The following MARCHF1 variants were observed in gnomAD, a reference collection of about 807,000 sequenced individuals.
MARCHF1 encodes the protein E3 ubiquitin-protein ligase MARCHF1.
Under a neutral mutation model 54.2 loss-of-function variants are expected in MARCHF1, and 40 were observed. That is an observed-to-expected ratio of 0.74 (90% CI 0.57 to 0.96). The LOEUF (loss-of-function observed/expected upper bound fraction) is 0.96. Ranked by LOEUF, MARCHF1 falls within the 40% of genes least tolerant of loss-of-function variation. The pLI is 0.00. For synonymous variants in MARCHF1, 236 were observed against 236.3 expected, an observed-to-expected ratio of 1.00 and a Z score of 0.01; for missense variants, 586 against 656.5, an observed-to-expected ratio of 0.89 and a Z score of 1.17.
chr4:164,278,619 C>A (rs1733945395), intron 1 of MARCHF1, among the ~76,000 whole-genome samples: 1 of 152,066 alleles, frequency 6.6e-6, no homozygotes, highest in South Asian at 2.1e-4. Flanking sequence ...TGTAAAGATC[C>A]AACAGCAACT....
At chr4:164,122,813 A>G (rs1320438637) in intron 1 of MARCHF1, among the ~76,000 whole-genome samples, 2 of 152,208 alleles carry the variant, frequency 1.3e-5, no homozygotes, top group East Asian at 3.9e-4. Context: ...CAACAGACCT[A>G]CAGCAAGTAT....
chr4:164,202,663 A>T (rs1042589987), intron 1 of MARCHF1, among the ~76,000 whole-genome samples: 2 of 152,228 alleles, frequency 1.3e-5, no homozygotes, highest in Non-Finnish European at 2.9e-5. Context: ...TGATTTGATT[A>T]AAGTCCATGA....
At chr4:163,621,254 A>G (rs1741687480) in intron 5 of MARCHF1, among the ~76,000 whole-genome samples, 1 of 152,222 alleles carries the variant, frequency 6.6e-6, no homozygotes, top group African/African-American at 2.4e-5. Context: ...GAAGGAAGAC[A>G]CATAACAGTC....
chr4:163,743,448 G>A (rs1048679135), intron 4 of MARCHF1, among the ~76,000 whole-genome samples: 1 of 152,074 alleles, frequency 6.6e-6, no homozygotes, highest in Non-Finnish European at 1.5e-5. Flanking sequence ...AACGTTGAGC[G>A]TTTTACCACC....
chr4:163,526,706 A>G lies in MARCHF1; in HGVS notation c.*2042T>C, dbSNP rs1341501235. 2.6e-5 allele frequency: 4 copies of G among 152,040 alleles called. No individual in the cohort carries two copies. The highest frequency in any genetic ancestry group is 7.2e-5 in the African/African-American group (3 of 41,436). 9.4% of individuals were successfully genotyped at this position (152,040 alleles called of 1,614,324 possible). On this transcript the variant is annotated 3_prime_UTR_variant, in exon 10 of 10. Transcript: ENST00000514618. ...CTTATTTATACAGAATTTTTGGTTC[A>G]GTTTAGTTACCTCAACTTTGCTTTC...
At chr4:163,934,017 G>A (rs1426466435) in intron 3 of MARCHF1, among the ~76,000 whole-genome samples, 1 of 152,146 alleles carries the variant, frequency 6.6e-6, no homozygotes, top group Non-Finnish European at 1.5e-5. Flanking sequence ...TAAAGTATAT[G>A]TCATTTCTTA....
At chr4:163,775,770 G>A (rs913439362) in intron 4 of MARCHF1, among the ~76,000 whole-genome samples, 1 of 152,110 alleles carries the variant, frequency 6.6e-6, no homozygotes, top group African/African-American at 2.4e-5. Flanking sequence ...ATTGATCTGA[G>A]TTGAGTGGAT....
chr4:163,546,099 G>A (rs941434013), intron 8 of MARCHF1, among the ~76,000 whole-genome samples: 2 of 151,954 alleles, frequency 1.3e-5, no homozygotes, highest in Non-Finnish European at 2.9e-5. Context: ...TCAGCCCCCA[G>A]AGTAGCTGGG....
chr4:164,196,856 C>T (rs1731275720), intron 1 of MARCHF1: 5 of 947,116 alleles, frequency 5.3e-6, no homozygotes, highest in African/African-American at 1.6e-5. Flanking sequence ...GTCTCATTCC[C>T]ACAGCAATGT....
At chr4:164,315,472 G>T (rs1432163818) in intron 1 of MARCHF1, among the ~76,000 whole-genome samples, 1 of 152,142 alleles carries the variant, frequency 6.6e-6, no homozygotes, top group Non-Finnish European at 1.5e-5. Context: ...ATTCCATATT[G>T]TAAGGATCCA....
At chr4:163,551,552 T>C (rs1739106901) in intron 8 of MARCHF1, among the ~76,000 whole-genome samples, 1 of 152,252 alleles carries the variant, frequency 6.6e-6, no homozygotes, top group Non-Finnish European at 1.5e-5. Context: ...TAAAGTTCAC[T>C]AGTTAAGGCA....
chr4:164,010,444 A>G (rs1753397599), intron 2 of MARCHF1, among the ~76,000 whole-genome samples: 1 of 152,016 alleles, frequency 6.6e-6, no homozygotes, highest in South Asian at 2.1e-4. Context: ...TGCAGTATAC[A>G]AAATAAACAA....
intron 1 of MARCHF1, among the ~76,000 whole-genome samples, chr4:164,311,062 C>T (rs78092078): frequency 0.14 from 21,932 of 152,010 alleles, 2,405 homozygotes; most frequent in East Asian, 0.42. Flanking sequence ...TCTAATAGCA[C>T]TCTAAATGCT....
At chr4:163,575,414 C>A (rs77044720) in intron 8 of MARCHF1, among the ~76,000 whole-genome samples, 2,417 of 152,194 alleles carry the variant, frequency 0.016, 39 homozygotes, top group Non-Finnish European at 0.027. Context: ...TCTACTTGAT[C>A]ATAGTGAATT....
At chr4:163,908,929 G>A (rs974790613) in intron 3 of MARCHF1, among the ~76,000 whole-genome samples, 5 of 151,960 alleles carry the variant, frequency 3.3e-5, no homozygotes, top group Non-Finnish European at 7.4e-5. Flanking sequence ...TATCTACTGG[G>A]GACCAATAGG....
At chr4:164,307,143 T>G (rs777470573) in intron 1 of MARCHF1, among the ~76,000 whole-genome samples, 4 of 152,154 alleles carry the variant, frequency 2.6e-5, no homozygotes, top group Non-Finnish European at 4.4e-5. Flanking sequence ...CACCCACACC[T>G]CATTTCTTGC....
chr4:163,682,443 C>A (rs919634037), intron 5 of MARCHF1, among the ~76,000 whole-genome samples: 11 of 152,302 alleles, frequency 7.2e-5, no homozygotes, highest in African/African-American at 2.6e-4. Context: ...GGCAGCACCT[C>A]CCATCACAGG....
chr4:163,733,376 T>C (rs1224321648), intron 4 of MARCHF1, among the ~76,000 whole-genome samples: 1 of 136,182 alleles, frequency 7.3e-6, no homozygotes, highest in African/African-American at 2.7e-5. Flanking sequence ...CTATACAAAA[T>C]AATAAAAAGC....
intron 1 of MARCHF1, among the ~76,000 whole-genome samples, chr4:164,130,535 G>A (rs182936917): frequency 1.8e-4 from 27 of 152,152 alleles, no homozygotes; most frequent in Admixed American, 5.9e-4. Context: ...GATGACACTC[G>A]CAATAAAATA....
Sources: gnomAD v4.1 joint callset for allele counts (sites outside exome capture counted in the v4.1 genomes callset) on GRCh38, gnomAD v4.1.1 for gene constraint, MANE v1.5 for transcripts, NCBI Gene and HGNC (gene_info 2026-07-23, HGNC 2026-07-21) for gene names.